The following PPM1H variants were observed in gnomAD, a reference collection of about 807,000 sequenced individuals.
PPM1H encodes protein phosphatase, Mg2+/Mn2+ dependent 1H, also known as protein phosphatase 1H.
Under a neutral mutation model 54.9 loss-of-function variants are expected in PPM1H, and 27 were observed. That is an observed-to-expected ratio of 0.49 (90% CI 0.36 to 0.68). The LOEUF is 0.68. PPM1H is among the 30% of genes least tolerant of loss of function. PPM1H has a pLI of 0.00. For synonymous variants in PPM1H, 305 were observed against 270.8 expected, an observed-to-expected ratio of 1.13 and a Z score of -1.24; for missense variants, 596 against 667.8, an observed-to-expected ratio of 0.89 and a Z score of 1.19.
chr12:62,658,411 A>C (rs1372849465), intron 9 of PPM1H, among the ~76,000 whole-genome samples: 4 of 152,060 alleles, frequency 2.6e-5, no homozygotes, highest in Non-Finnish European at 5.9e-5. Context: ...CCTTTCTGAC[A>C]AAATGGTAAG....
rs771534002 is a variant in PPM1H at position 62,844,500 on chromosome 12, T to G, written c.246-12221A>C. Among the ~76,000 whole-genome samples, 4 of 152,182 alleles carry G rather than the reference T, an allele frequency of 2.6e-5. No individual in the cohort carries two copies. The highest frequency in any genetic ancestry group is 4.4e-5 in the Non-Finnish European group (3 of 68,026). On this transcript the variant is annotated intron_variant, in intron 1 of 9. Transcript: ENST00000228705. This position sits in a 1 kb window ranked among gnomAD's most constrained non-coding sequence, Gnocchi z 5.2. ...ATTCCCCTCAAGGCTCAAGATAACTTAAAGTTCCAACAGCTTTAAGTTTGG... is the reference window on the plus strand; with the variant it reads ...ATTCCCCTCAAGGCTCAAGATAACTGAAAGTTCCAACAGCTTTAAGTTTGG...
intron 4 of PPM1H, among the ~76,000 whole-genome samples, chr12:62,742,208 C>A (rs188738687): frequency 3.3e-4 from 51 of 152,310 alleles, no homozygotes; most frequent in Admixed American, 6.5e-4. Context: ...TTATTACTTT[C>A]TTAAATAGAT....
intron 1 of PPM1H, among the ~76,000 whole-genome samples, chr12:62,862,928 G>C (rs1209047264): frequency 6.6e-6 from 1 of 152,098 alleles, no homozygotes; most frequent in African/African-American, 2.4e-5. Flanking sequence ...GCTCTCCAAG[G>C]TAGAATAATA....
intron 1 of PPM1H, among the ~76,000 whole-genome samples, chr12:62,903,604 G>A (rs1227629570): frequency 6.6e-6 from 1 of 152,076 alleles, no homozygotes; most frequent in Non-Finnish European, 1.5e-5. Flanking sequence ...GAAAATCATG[G>A]AAAATATCCA....
chr12:62,662,969 A>G (rs996434266), intron 9 of PPM1H, among the ~76,000 whole-genome samples: 1 of 152,160 alleles, frequency 6.6e-6, no homozygotes, highest in Non-Finnish European at 1.5e-5. Flanking sequence ...CTTCATGTAC[A>G]TAGAATTCTA....
rs1868985102 is a variant in PPM1H at position 62,846,713 on chromosome 12, C to G, written c.246-14434G>C. Among the ~76,000 whole-genome samples, 2 of 152,076 alleles carry G rather than the reference C, an allele frequency of 1.3e-5. 1 individual carries two copies. Among genetic ancestry groups the G allele is most frequent in the Non-Finnish European group, 2.9e-5 (2 of 68,024 alleles). Reference sequence around the variant, plus strand: ...TGCCTTTTCCACCCCCTGCAATGACCTAACCTCCTCTTGTCTGACAAACAT... The same window carrying G: ...TGCCTTTTCCACCCCCTGCAATGACGTAACCTCCTCTTGTCTGACAAACAT... On this transcript the variant is annotated intron_variant, in intron 1 of 9. Coordinates refer to ENST00000228705, the MANE Select transcript of PPM1H (RefSeq NM_020700.2).
chr12:62,700,962 G>A (rs1321966908), intron 6 of PPM1H, among the ~76,000 whole-genome samples: 1 of 151,964 alleles, frequency 6.6e-6, no homozygotes, highest in African/African-American at 2.4e-5. Context: ...AACAGTTAAA[G>A]AATTTTACTT....
chr12:62,722,029 G>A (rs1297666043), intron 5 of PPM1H, among the ~76,000 whole-genome samples: 1 of 152,022 alleles, frequency 6.6e-6, no homozygotes, highest in African/African-American at 2.4e-5. Flanking sequence ...TTCAAGACAG[G>A]GACAGCAGAG....
intron 4 of PPM1H, among the ~76,000 whole-genome samples, chr12:62,785,803 G>A (rs2120695467): frequency 6.6e-6 from 1 of 151,490 alleles, no homozygotes; most frequent in East Asian, 1.9e-4. Context: ...GCCCTGGCTA[G>A]GTAGGTGGCT....
At chr12:62,649,415 T>A (rs1261206879) in intron 9 of PPM1H, among the ~76,000 whole-genome samples, 1 of 152,088 alleles carries the variant, frequency 6.6e-6, no homozygotes, top group Admixed American at 6.5e-5. Context: ...AGTATTAACA[T>A]CTAGGAGAAA....
At chr12:62,770,922 C>A (rs2076575382) in intron 4 of PPM1H, among the ~76,000 whole-genome samples, 1 of 152,064 alleles carries the variant, frequency 6.6e-6, no homozygotes, top group Non-Finnish European at 1.5e-5. Context: ...AAAGCACAGT[C>A]CAGCACAGAG....
At chr12:62,921,225 G>A (rs966547166) in intron 1 of PPM1H, among the ~76,000 whole-genome samples, 18 of 152,030 alleles carry the variant, frequency 1.2e-4, no homozygotes, top group East Asian at 9.7e-4. Context: ...CACCACGCCC[G>A]TTCATATTTT....
At chr12:62,756,345 C>G in intron 4 of PPM1H, 1 of 474,376 alleles carries the variant, frequency 2.1e-6, no homozygotes, top group Non-Finnish European at 3.9e-6. Flanking sequence ...CTCCCTTTCT[C>G]AAGTTTCCAT....
chr12:62,799,695 C>A (rs2120738875), intron 3 of PPM1H, among the ~76,000 whole-genome samples: 1 of 152,296 alleles, frequency 6.6e-6, no homozygotes, highest in Non-Finnish European at 1.5e-5. Context: ...TGCAGGGTTG[C>A]AGGCTATCAG....
chr12:62,838,056 C>T (rs982197708), intron 1 of PPM1H, among the ~76,000 whole-genome samples: 1 of 152,212 alleles, frequency 6.6e-6, no homozygotes, highest in African/African-American at 2.4e-5. Context: ...CCCACATCGG[C>T]TCTGGGCCCC....
intron 1 of PPM1H, among the ~76,000 whole-genome samples, chr12:62,889,223 C>G (rs1870694952): frequency 6.6e-6 from 1 of 152,138 alleles, no homozygotes; most frequent in South Asian, 2.1e-4. Context: ...CAATGCAATT[C>G]CAATCAAAAT....
intron 1 of PPM1H, among the ~76,000 whole-genome samples, chr12:62,847,204 G>C (rs1200113835): frequency 6.6e-6 from 1 of 152,202 alleles, no homozygotes; most frequent in African/African-American, 2.4e-5. Context: ...GTACATATTT[G>C]TGAGAAGAGT....
intron 6 of PPM1H, among the ~76,000 whole-genome samples, chr12:62,699,322 G>A (rs754537471): frequency 2.0e-5 from 3 of 152,092 alleles, no homozygotes; most frequent in Non-Finnish European, 2.9e-5. Context: ...TCAGCATCCC[G>A]AGTAGCTGGG....
intron 4 of PPM1H, chr12:62,755,227 G>T (rs1393226571): frequency 3.4e-5 from 24 of 697,380 alleles, no homozygotes; most frequent in Non-Finnish European, 1.3e-5. Context: ...AGACACTACG[G>T]TGAAGGTGAA....
Sources: gnomAD v4.1 joint callset for allele counts (sites outside exome capture counted in the v4.1 genomes callset) on GRCh38, gnomAD v4.1.1 for gene constraint, Gnocchi (gnomAD v3.1) non-coding constraint, MANE v1.5 for transcripts, NCBI Gene and HGNC (gene_info 2026-07-23, HGNC 2026-07-21) for gene names.